Variants in FATE1 observed in about 807,000 individuals in gnomAD.
FATE1 encodes the protein fetal and adult testis-expressed transcript protein.
FATE1 carries 18 observed loss-of-function variants against 16.0 expected under a neutral mutation model. The ratio of observed to expected loss-of-function variants is 1.12; its 90% confidence interval spans 0.78 to 1.66. The LOEUF (loss-of-function observed/expected upper bound fraction) is 1.66. Ranked by LOEUF, FATE1 falls within the 40% of genes most tolerant of loss-of-function variation. The pLI is 0.00. For synonymous variants in FATE1, 76 were observed against 56.9 expected, an observed-to-expected ratio of 1.34 and a Z score of -1.51; for missense variants, 169 against 152.7, an observed-to-expected ratio of 1.11 and a Z score of -0.56.
Position 151,722,897 on chromosome X carries a change from T to C in FATE1, c.*138T>C. 1.2e-6 allele frequency: 1 copy of C among 837,437 alleles called. No individual in the cohort carries two copies. Among genetic ancestry groups the C allele is most frequent in the Non-Finnish European group, 1.6e-6 (1 of 609,508 alleles). 69.0% of individuals were successfully genotyped at this position (837,437 alleles called of 1,213,427 possible). On this transcript the variant is annotated 3_prime_UTR_variant, in exon 5 of 5. Transcript: ENST00000370350. ...GCGTCAGGATCATTTTCAACTCTGG[T>C]TAGGCCTCCTACCTGGGGAGGCCAG...
intron 2 of FATE1, among the ~76,000 whole-genome samples, chrX:151,718,738 G>C (rs777786766): frequency 3.3e-4 from 37 of 112,202 alleles, no homozygotes; most frequent in African/African-American, 1.0e-3. Flanking sequence ...AGGGAATCAC[G>C]AATCCCATCA....
rs1268433693 is a variant in FATE1, at chrX:151,722,001, G to A, written c.420+20G>A. 2 of 1,189,402 alleles carry A rather than the reference G, an allele frequency of 1.7e-6. No individual in the cohort carries two copies. The highest frequency in any genetic ancestry group is 2.2e-5 in the Admixed American group (1 of 45,857). ...AGACAGGTGAGGAGGGACCCAATCG[G>A]TGGGTGCAAGCAGAATCACAGTGCC... On this transcript the variant is annotated intron_variant, in intron 4 of 4. Coordinates refer to ENST00000370350, the MANE Select transcript of FATE1 (RefSeq NM_033085.3).
At chrX:151,720,357 AGCTGAT>A (rs2015104047) in intron 2 of FATE1, among the ~76,000 whole-genome samples, 1 of 111,758 alleles carries the variant, frequency 8.9e-6, no homozygotes, top group Admixed American at 9.5e-5. Context: ...TTCTTTCATT[AGCTGAT>A]GCCTCTTGTG....
chrX:151,722,135 T>C (rs1192777719), intron 4 of FATE1, among the ~76,000 whole-genome samples, 154 bp downstream of exon 4: 1 of 110,697 alleles, frequency 9.0e-6, no homozygotes, highest in African/African-American at 3.3e-5. Flanking sequence ...CTCATCCCCA[T>C]GGCTCTGACA....
chrX:151,718,391 AAC>A (rs1414013167), intron 2 of FATE1, among the ~76,000 whole-genome samples: 2 of 112,404 alleles, frequency 1.8e-5, no homozygotes, highest in Non-Finnish European at 3.8e-5. Context: ...ATATTGGGAA[AAC>A]ACAGTCATTT....
At chrX:151,720,258 C>T (rs755974773) in intron 2 of FATE1, among the ~76,000 whole-genome samples, 1 of 111,404 alleles carries the variant, frequency 9.0e-6, no homozygotes, top group African/African-American at 3.3e-5. Flanking sequence ...GCGGGGGCCT[C>T]CTTTGTCAGC....
chrX:151,717,177 C>A, intron 1 of FATE1, 95 bp from the exon 2 acceptor site: 1 of 1,035,393 alleles, frequency 9.7e-7, no homozygotes, highest in Non-Finnish European at 1.3e-6. Flanking sequence ...CCCAAGAAAG[C>A]TGGAGACTCT....
rs138359911 is a variant in FATE1 at position 151,717,364 on chromosome X, G to A, written c.199G>A (p.Val67Ile). 1.7e-5 allele frequency: 21 copies of A among 1,206,816 alleles called. No individual in the cohort carries two copies. The highest frequency in any genetic ancestry group is 2.2e-5 in the Non-Finnish European group (20 of 892,583). ...KAAGSASAKRVWNMTATRPKK... is the reference protein window; with the variant it reads ...KAAGSASAKRIWNMTATRPKK... Reference sequence around the variant, plus strand: ...TGCTGGCTCTGCTTCAGCCAAACGAGTTTGGAATATGACTGCCACCCGACC... The same window carrying A: ...TGCTGGCTCTGCTTCAGCCAAACGAATTTGGAATATGACTGCCACCCGACC... Residue 67 changes from valine to isoleucine, a missense_variant, in exon 2 of 5, where the codon GTT (valine) becomes ATT (isoleucine). Coordinates refer to ENST00000370350, the MANE Select transcript of FATE1 (RefSeq NM_033085.3).
intron 1 of FATE1, among the ~76,000 whole-genome samples, chrX:151,716,516 C>T (rs749062944): frequency 1.8e-5 from 2 of 111,398 alleles, no homozygotes; most frequent in Non-Finnish European, 3.8e-5. Context: ...ACTCAGAGGG[C>T]TCAAATTATG....
rs771180411 is a variant in FATE1, at chrX:151,722,509, C to G, written c.421-119C>G. 1.7e-5 allele frequency: 18 copies of G among 1,072,905 alleles called. No individual in the cohort carries two copies. The East Asian group carries it at 5.2e-4, about 31-fold the overall frequency. The allele number at this position is 1,072,905 out of a possible 1,213,427, so 88.4% of individuals were successfully genotyped here. ...CTTCTCACTAGGGGCGCTCCCCGCT[C>G]CACCGCCAAAGGGCAATCAAGCCCC... On this transcript the variant is annotated intron_variant, in intron 4 of 4. Coordinates refer to ENST00000370350, the MANE Select transcript of FATE1 (RefSeq NM_033085.3).
At chrX:151,718,110 G>GGA (rs1434127557) in intron 2 of FATE1, among the ~76,000 whole-genome samples, 3 of 55,565 alleles carry the variant, frequency 5.4e-5, no homozygotes, top group Non-Finnish European at 6.4e-5. Flanking sequence ...AAGAGAGAGA[G>GGA]AGGAAGGAAG....
chrX:151,721,525 C>G, intron 3 of FATE1, 24 bp downstream of exon 3: 1 of 1,173,872 alleles, frequency 8.5e-7, no homozygotes, highest in Admixed American at 2.2e-5. Context: ...GTCTGTGGGC[C>G]CTGGCTGCTC....
chrX:151,722,012 C>T, intron 4 of FATE1, 31 bp downstream of exon 4: 7 of 1,151,131 alleles, frequency 6.1e-6, no homozygotes, highest in Non-Finnish European at 8.3e-6. Context: ...TGGGTGCAAG[C>T]AGAATCACAG....
Position 151,720,798 on chromosome X carries a change from C to T in FATE1, c.235-597C>T, listed in dbSNP as rs184860769. On this transcript the variant is annotated intron_variant, in intron 2 of 4. Transcript: ENST00000370350. Reference sequence around the variant, plus strand: ...CAGGTCTGGCACCAAAAGCCACGCTCTTTTCCTCTATCCCCCACTGATGCT... The same window carrying T: ...CAGGTCTGGCACCAAAAGCCACGCTTTTTTCCTCTATCCCCCACTGATGCT... 3.6e-5 allele frequency among the ~76,000 whole-genome samples: 4 copies of T among 112,259 alleles called. No homozygotes were observed. In the East Asian group the frequency reaches 1.1e-3, roughly 32 times the overall value.
At chrX:151,720,860 G>A (rs895368746) in intron 2 of FATE1, among the ~76,000 whole-genome samples, 1 of 112,156 alleles carries the variant, frequency 8.9e-6, no homozygotes, top group African/African-American at 3.2e-5. Flanking sequence ...AAGGGCTCTG[G>A]GCCAGAGATG....
At chrX:151,718,410 G>C (rs905453449) in intron 2 of FATE1, among the ~76,000 whole-genome samples, 1 of 112,195 alleles carries the variant, frequency 8.9e-6, no homozygotes, top group Non-Finnish European at 1.9e-5. Context: ...ATTTTGGAGG[G>C]GGAGGGAAAC....
At chrX:151,717,736 G>A (rs139025890) in intron 2 of FATE1, among the ~76,000 whole-genome samples, 1,155 of 111,510 alleles carry the variant, frequency 0.01, 9 homozygotes, top group Non-Finnish European at 0.015. Flanking sequence ...GTGTGTGTGC[G>A]CGTGTATACA....
intron 2 of FATE1, among the ~76,000 whole-genome samples, chrX:151,719,116 A>G (rs1447063609): frequency 8.9e-6 from 1 of 112,189 alleles, no homozygotes; most frequent in Admixed American, 9.4e-5. Context: ...GGCTAGAGGT[A>G]GACTGTTTGA....
In FATE1 at chrX:151,723,046, A is replaced by G; in HGVS notation, c.*287A>G. The G allele has an allele frequency of 3.3e-6, 1 of 298,829 alleles. No individual in the cohort carries two copies. The highest frequency in any genetic ancestry group is 6.4e-5 in the South Asian group (1 of 15,597). 24.6% of individuals were successfully genotyped at this position (298,829 alleles called of 1,213,427 possible). A position where few individuals can be genotyped will look rare whatever the true frequency, so the allele number is the denominator to read the frequency against. ...GGCCCCACAGTAACACCTAGTGGCAACCTTGCCTTCCTGACCTCAGCGGCC... is the reference window on the plus strand; with the variant it reads ...GGCCCCACAGTAACACCTAGTGGCAGCCTTGCCTTCCTGACCTCAGCGGCC... On this transcript the variant is annotated 3_prime_UTR_variant, in exon 5 of 5. Coordinates refer to ENST00000370350, the MANE Select transcript of FATE1 (RefSeq NM_033085.3).
Sources: allele counts gnomAD v4.1 joint callset (sites outside exome capture counted in the v4.1 genomes callset), GRCh38; gene constraint gnomAD v4.1.1; transcripts MANE v1.5; gene names NCBI Gene and HGNC (gene_info 2026-07-23, HGNC 2026-07-21).